Variants in SCFD2 observed in about 807,000 individuals in gnomAD.
SCFD2 encodes the protein sec1 family domain containing 2.
SCFD2 carries 54 observed loss-of-function variants against 58.9 expected under a neutral mutation model. That is an observed-to-expected ratio of 0.92 (90% CI 0.74 to 1.15). The LOEUF (loss-of-function observed/expected upper bound fraction) is 1.15. SCFD2 is among the 50% of genes most tolerant of loss of function. The pLI is 0.00. For missense variants in SCFD2, 805 were observed against 836.6 expected, an observed-to-expected ratio of 0.96 and a Z score of 0.47; for synonymous variants, 321 against 335.9, an observed-to-expected ratio of 0.96 and a Z score of 0.49.
intron 2 of SCFD2, among the ~76,000 whole-genome samples, chr4:53,342,958 A>G (rs979962902): frequency 6.6e-5 from 10 of 152,244 alleles, no homozygotes; most frequent in Non-Finnish European, 1.2e-4. Flanking sequence ...CATTTAAACC[A>G]GTATGTAGAG....
At chr4:52,948,437 C>T in intron 5 of SCFD2, 1 of 448,768 alleles carries the variant, frequency 2.2e-6, no homozygotes, top group South Asian at 1.6e-5. Flanking sequence ...TTCTTGAACT[C>T]TCAGCCTCAG....
At chr4:53,248,393 A>G (rs1184275228) in intron 4 of SCFD2, among the ~76,000 whole-genome samples, 1 of 152,226 alleles carries the variant, frequency 6.6e-6, no homozygotes, top group Non-Finnish European at 1.5e-5. Flanking sequence ...CAAAGCAGCC[A>G]GGAAATTCGA....
At chr4:52,939,694 G>T (rs1322386141) in intron 5 of SCFD2, among the ~76,000 whole-genome samples, 1 of 151,310 alleles carries the variant, frequency 6.6e-6, no homozygotes, top group Admixed American at 6.6e-5. Flanking sequence ...GGATGGGTTT[G>T]GACTTAAGAG....
intron 5 of SCFD2, among the ~76,000 whole-genome samples, chr4:53,133,197 G>A (rs767805860): frequency 6.6e-4 from 100 of 151,918 alleles, no homozygotes; most frequent in Non-Finnish European, 6.9e-4. Flanking sequence ...GCGTGGTGGC[G>A]GGTGCCTGTA....
chr4:53,307,040 C>G (rs1732537604), intron 3 of SCFD2, among the ~76,000 whole-genome samples: 1 of 152,234 alleles, frequency 6.6e-6, no homozygotes, highest in African/African-American at 2.4e-5. Context: ...CTCTAAATCT[C>G]CTGCCTATGC....
chr4:53,047,564 T>G (rs186621803), intron 5 of SCFD2, among the ~76,000 whole-genome samples: 4 of 152,376 alleles, frequency 2.6e-5, no homozygotes, highest in Admixed American at 6.5e-5. Flanking sequence ...TCCTCTCACC[T>G]GTACCACGCA....
At chr4:53,086,640 TCA>T (rs1397037165) in intron 5 of SCFD2, among the ~76,000 whole-genome samples, 15 of 152,166 alleles carry the variant, frequency 9.9e-5, no homozygotes, top group Non-Finnish European at 1.9e-4. Flanking sequence ...TAAATGTCCA[TCA>T]ACAGATAACT....
At chr4:53,306,138 G>A (rs1219127107) in intron 3 of SCFD2, among the ~76,000 whole-genome samples, 2 of 152,146 alleles carry the variant, frequency 1.3e-5, no homozygotes, top group Non-Finnish European at 2.9e-5. Flanking sequence ...GAAAATGTTG[G>A]GAGAGAACTG....
chr4:53,264,045 G>A (rs1243704764), intron 4 of SCFD2, among the ~76,000 whole-genome samples: 2 of 152,172 alleles, frequency 1.3e-5, no homozygotes, highest in South Asian at 2.1e-4. Flanking sequence ...AGCTGCCTCT[G>A]CTGAATCACA....
intron 4 of SCFD2, among the ~76,000 whole-genome samples, chr4:53,178,972 C>G (rs1390268104): frequency 1.3e-5 from 2 of 152,170 alleles, no homozygotes; most frequent in Admixed American, 6.5e-5. Context: ...AAGAAAGGAA[C>G]AAAGCCTCTA....
chr4:53,304,398 C>T (rs1451156069), intron 3 of SCFD2, among the ~76,000 whole-genome samples: 1 of 152,106 alleles, frequency 6.6e-6, no homozygotes, highest in Non-Finnish European at 1.5e-5. Flanking sequence ...GGGAAATTCT[C>T]CTGGATAATA....
chr4:53,356,269 C>T (rs1734396775), intron 1 of SCFD2, among the ~76,000 whole-genome samples: 1 of 152,194 alleles, frequency 6.6e-6, no homozygotes, highest in Admixed American at 6.5e-5. Flanking sequence ...AGATGCAATA[C>T]CTTTTAGGAC....
chr4:53,266,678 A>G (rs541240846), intron 4 of SCFD2, among the ~76,000 whole-genome samples: 1 of 152,356 alleles, frequency 6.6e-6, no homozygotes, highest in East Asian at 1.9e-4. Flanking sequence ...CATATCCACG[A>G]TCCGTTTAAA....
Position 53,239,423 on chromosome 4 carries a change from G to GAGGAA in SCFD2, c.1311+34402_1311+34403insTTCCT, listed in dbSNP as rs1729816139. On this transcript the variant is annotated intron_variant, in intron 4 of 8. Coordinates refer to ENST00000401642, the MANE Select transcript of SCFD2 (RefSeq NM_152540.4). ...GAGAGGGAGAGGGAGAGGGAGAGGAGGGAGAGGAGGGAGAGGGAGAGGGAG... is the reference window on the plus strand; with the variant it reads ...GAGAGGGAGAGGGAGAGGGAGAGGAGAGGAAGGAGAGGAGGGAGAGGGAGAGGGAG... 1.8e-5 allele frequency among the ~76,000 whole-genome samples: 2 copies of GAGGAA among 111,162 alleles called. 1 individual carries two copies. The highest frequency in any genetic ancestry group is 3.8e-5 in the Non-Finnish European group (2 of 53,144). 72.9% of individuals were successfully genotyped at this position (111,162 alleles called of 152,430 possible).
At chr4:53,249,059 A>C (rs1253950319) in intron 4 of SCFD2, among the ~76,000 whole-genome samples, 1 of 152,204 alleles carries the variant, frequency 6.6e-6, no homozygotes, top group Non-Finnish European at 1.5e-5. Flanking sequence ...AACTTTGAAA[A>C]AAATTTAGAC....
At chr4:53,328,837 G>A (rs1430114554) in intron 2 of SCFD2, among the ~76,000 whole-genome samples, 1 of 152,226 alleles carries the variant, frequency 6.6e-6, no homozygotes, top group Non-Finnish European at 1.5e-5. Flanking sequence ...GAGGTACCAG[G>A]TTCATCTCAC....
At chr4:53,321,592 A>C (rs1178424733) in intron 2 of SCFD2, among the ~76,000 whole-genome samples, 7 of 152,172 alleles carry the variant, frequency 4.6e-5, no homozygotes, top group Non-Finnish European at 7.3e-5. Flanking sequence ...ATTTCAACTA[A>C]TTTTAAACAG....
intron 4 of SCFD2, among the ~76,000 whole-genome samples, chr4:53,148,326 G>A (rs1291126408): frequency 6.6e-6 from 1 of 152,122 alleles, no homozygotes; most frequent in African/African-American, 2.4e-5. Context: ...TCTCTCACTA[G>A]TGATACCCTA....
intron 4 of SCFD2, among the ~76,000 whole-genome samples, chr4:53,230,867 A>T (rs921970647): frequency 2.0e-5 from 3 of 152,170 alleles, no homozygotes; most frequent in African/African-American, 7.2e-5. Context: ...TTGAAATAAA[A>T]TTAGATGAAA....
Sources: gnomAD v4.1 joint callset for allele counts (sites outside exome capture counted in the v4.1 genomes callset) on GRCh38, gnomAD v4.1.1 for gene constraint, MANE v1.5 for transcripts, NCBI Gene and HGNC (gene_info 2026-07-23, HGNC 2026-07-21) for gene names.